VPS13D: variants seen among roughly 807,000 people sequenced by gnomAD.
The protein encoded by VPS13D is vacuolar protein sorting 13 homolog D.
In VPS13D, 187 loss-of-function variants were observed where a neutral mutation model predicts 461.9. That is an observed-to-expected ratio of 0.40 (90% CI 0.36 to 0.46). The LOEUF (loss-of-function observed/expected upper bound fraction) is 0.46. VPS13D is among the 20% of genes least tolerant of loss of function. The pLI, the probability that VPS13D is intolerant of heterozygous loss-of-function variation, is 0.60. For synonymous variants in VPS13D, 1,951 were observed against 1,986.3 expected (o/e 0.98, Z 0.47); for missense variants, 4,711 against 5,364.9 (o/e 0.88, Z 3.81).
intron 52 of VPS13D, among the ~76,000 whole-genome samples, chr1:12,367,990 C>T (rs764842819): frequency 9.2e-5 from 14 of 152,242 alleles, no homozygotes; most frequent in African/African-American, 2.9e-4. Flanking sequence ...AGGCTGGTCT[C>T]GAACTCCTGG....
chr1:12,297,475 T>C (rs1642308874), intron 24 of VPS13D, among the ~76,000 whole-genome samples: 1 of 152,206 alleles, frequency 6.6e-6, no homozygotes, highest in Admixed American at 6.5e-5. Flanking sequence ...GACAAATATC[T>C]TGAGTGGGTT....
In VPS13D at chr1:12,391,936, C is replaced by T. The variant is rs570937080; in HGVS notation, c.11634+5602C>T. On this transcript the variant is annotated intron_variant, in intron 60 of 69. Transcript: ENST00000620676. Reference sequence around the variant, plus strand: ...AGTGCAGTGGTCCTCCCTCGGGTCACTGCAACCTCCTCCTCCTGGGCTCAA... The same window carrying T: ...AGTGCAGTGGTCCTCCCTCGGGTCATTGCAACCTCCTCCTCCTGGGCTCAA... Among the ~76,000 whole-genome samples, 4 of 152,192 alleles carry T rather than the reference C, an allele frequency of 2.6e-5. No individual in the cohort carries two copies. The South Asian group carries it at 8.3e-4, about 32-fold the overall frequency.
intron 30 of VPS13D, among the ~76,000 whole-genome samples, chr1:12,315,006 TG>T (rs1557704102): frequency 6.6e-6 from 1 of 152,246 alleles, no homozygotes; most frequent in Non-Finnish European, 1.5e-5. Context: ...TCTGGCATAT[TG>T]CTTGGCACAG....
intron 60 of VPS13D, among the ~76,000 whole-genome samples, chr1:12,389,470 A>G (rs1467058343): frequency 6.6e-6 from 1 of 152,232 alleles, no homozygotes; most frequent in African/African-American, 2.4e-5. Context: ...ATACTATTAC[A>G]TAAAGTTAAT....
chr1:12,430,835 A>G (rs1365203511), intron 65 of VPS13D, among the ~76,000 whole-genome samples: 1 of 152,222 alleles, frequency 6.6e-6, no homozygotes, highest in Non-Finnish European at 1.5e-5. Context: ...ATCACTAAGA[A>G]ACAAAGCAAA....
At chr1:12,335,675 C>G in intron 38 of VPS13D, 30 bp from the exon 39 acceptor site, 1 of 1,566,054 alleles carries the variant, frequency 6.4e-7, no homozygotes. Flanking sequence ...TTTTTTAGTT[C>G]TCTTAATATC....
intron 52 of VPS13D, among the ~76,000 whole-genome samples, chr1:12,364,496 G>T (rs1324270822): frequency 1.3e-5 from 2 of 152,220 alleles, no homozygotes; most frequent in Non-Finnish European, 2.9e-5. Context: ...TTTGGGTATA[G>T]ATCCAGGTGT....
At chr1:12,352,964 T>C (rs1219914312) in intron 46 of VPS13D, among the ~76,000 whole-genome samples, 1 of 4,180 alleles carries the variant, frequency 2.4e-4, no homozygotes, top group Non-Finnish European at 4.2e-4. Flanking sequence ...AAACTCAGTC[T>C]CAAAAAAAAA....
At chr1:12,489,850 A>T (rs1261053920) in intron 67 of VPS13D, among the ~76,000 whole-genome samples, 1 of 152,234 alleles carries the variant, frequency 6.6e-6, no homozygotes, top group African/African-American at 2.4e-5. Context: ...TGAGAAAACC[A>T]TCGCTCCAAG....
Position 12,304,551 on chromosome 1 carries a change from C to T in VPS13D, c.6262C>T (p.Leu2088=), listed in dbSNP as rs1414680141. The change falls in exon 26 of 70, where the codon CTG becomes TTG. Residue 2088 remains leucine (L), a synonymous_variant. Coordinates refer to ENST00000620676, the MANE Select transcript of VPS13D (RefSeq NM_015378.4). The part of the protein sequence containing the change: ...ASPTGIPKHS[L]RKTTSTEEPR... ...CCCAACGGGTATTCCCAAACACAGT[C>T]TGAGGAAAACGACAAGCACGGAGGA... The T allele has an allele frequency of 6.2e-7, 1 of 1,614,108 alleles. No individual in the cohort carries two copies. The highest frequency in any genetic ancestry group is 8.5e-7 in the Non-Finnish European group (1 of 1,180,022).
chr1:12,231,951 C>T (rs549054218), intron 1 of VPS13D, among the ~76,000 whole-genome samples: 1 of 152,092 alleles, frequency 6.6e-6, no homozygotes, highest in Non-Finnish European at 1.5e-5. Context: ...TCCGAGATCC[C>T]GTCACTGCAC....
intron 63 of VPS13D, among the ~76,000 whole-genome samples, 182 bp downstream of exon 63, chr1:12,404,155 G>T (rs191213660): frequency 1.5e-5 from 2 of 135,362 alleles, no homozygotes; most frequent in East Asian, 4.9e-4. Flanking sequence ...TGACTTACGT[G>T]TATTTGTCTT....
At chr1:12,362,910 A>G (rs1643971983) in intron 51 of VPS13D, 60 bp downstream of exon 51, 4 of 1,608,458 alleles carry the variant, frequency 2.5e-6, no homozygotes, top group Non-Finnish European at 3.4e-6. Flanking sequence ...TTTTAATGTC[A>G]TCTTCTGTGA....
At chr1:12,316,398 A>G (rs1322075269) in intron 30 of VPS13D, among the ~76,000 whole-genome samples, 2 of 152,196 alleles carry the variant, frequency 1.3e-5, no homozygotes, top group Non-Finnish European at 2.9e-5. Flanking sequence ...TGTGTGTCAA[A>G]TATAAATCAC....
chr1:12,419,019 G>A (rs1415930431), intron 65 of VPS13D, among the ~76,000 whole-genome samples: 3 of 152,134 alleles, frequency 2.0e-5, no homozygotes, highest in Non-Finnish European at 2.9e-5. Flanking sequence ...TGGAAGTCTC[G>A]TTTGTTTCCT....
chr1:12,293,812 A>G (rs1321294255), intron 24 of VPS13D, 108 bp downstream of exon 24: 3 of 1,176,022 alleles, frequency 2.6e-6, no homozygotes, highest in Non-Finnish European at 2.3e-6. Context: ...ATCCTTGCTA[A>G]TATGTTCTCC....
chr1:12,272,392 G>GGTGTGTGTGTGT (rs60615824), intron 17 of VPS13D, among the ~76,000 whole-genome samples: 6 of 143,124 alleles, frequency 4.2e-5, no homozygotes, highest in African/African-American at 1.0e-4. Context: ...TTTTTGTTTT[G>GGTGTGTGTGTGT]GTGTGTGTGT....
intron 63 of VPS13D, among the ~76,000 whole-genome samples, chr1:12,407,710 T>G (rs1246810628): frequency 6.6e-6 from 1 of 152,116 alleles, no homozygotes; most frequent in African/African-American, 2.4e-5. Context: ...AAGGATAACT[T>G]TTACTTAAGG....
chr1:12,278,002 C>T lies in VPS13D; in HGVS notation c.4414C>T (p.Arg1472Ter), dbSNP rs1641666563. 3.1e-6 allele frequency: 5 copies of T among 1,613,850 alleles called. No individual in the cohort carries two copies. The highest frequency in any genetic ancestry group is 1.3e-5 in the African/African-American group (1 of 74,936). ...CAGTCAGGAGGAAGCTCATTTCACACGACATGATTTCTTTGAATCTTTGCA... is the reference window on the plus strand; with the variant it reads ...CAGTCAGGAGGAAGCTCATTTCACATGACATGATTTCTTTGAATCTTTGCA... ...ANSQEEAHFT[R>*]HDFFESLHRG... The change falls in exon 19 of 70, where the codon CGA becomes TGA. Residue 1472 changes from arginine to a stop codon, truncating the protein, a stop_gained. Coordinates refer to ENST00000620676, the MANE Select transcript of VPS13D (RefSeq NM_015378.4). LOFTEE classifies it high-confidence loss of function.
Sources: gnomAD v4.1 joint callset for allele counts (sites outside exome capture counted in the v4.1 genomes callset) on GRCh38, gnomAD v4.1.1 for gene constraint, MANE v1.5 for transcripts, NCBI Gene and HGNC (gene_info 2026-07-23, HGNC 2026-07-21) for gene names.